Variants in HAPLN1 observed in about 807,000 individuals in gnomAD.
HAPLN1 encodes the protein hyaluronan and proteoglycan link protein 1, also known as Cartilage link protein.
In HAPLN1, 13 loss-of-function variants were observed where a neutral mutation model predicts 36.5. The ratio of observed to expected loss-of-function variants is 0.36; its 90% CI spans 0.23 to 0.57. The LOEUF (loss-of-function observed/expected upper bound fraction) is 0.57, where lower values mean the gene tolerates loss of function less well. Among genes scored for constraint, HAPLN1 ranks in the 20% least tolerant of loss-of-function variants. The probability of loss-of-function intolerance (pLI) is 0.83; values close to 1 mark genes in which losing one functional copy is unlikely to be tolerated. For missense variants in HAPLN1, 407 were observed against 439.7 expected (o/e 0.93, Z 0.66); for synonymous variants, 202 against 169.8 (o/e 1.19, Z -1.48).
chr5:83,717,771 G>C (rs2112644368), intron 1 of HAPLN1, among the ~76,000 whole-genome samples: 1 of 152,188 alleles, frequency 6.6e-6, no homozygotes, highest in Non-Finnish European at 1.5e-5. Flanking sequence ...CCAGGTTCCT[G>C]CTTCAAAACT....
intron 2 of HAPLN1, among the ~76,000 whole-genome samples, chr5:83,654,165 T>C (rs1277323391): frequency 1.3e-5 from 2 of 152,204 alleles, no homozygotes; most frequent in Non-Finnish European, 2.9e-5. Flanking sequence ...TTTTATCATA[T>C]AGCAATCAGA....
At chr5:83,708,604 A>G (rs1005781419) in intron 1 of HAPLN1, among the ~76,000 whole-genome samples, 1 of 152,168 alleles carries the variant, frequency 6.6e-6, no homozygotes, top group African/African-American at 2.4e-5. Flanking sequence ...AAAAGTAACT[A>G]TTAGGTACTA....
Position 83,652,407 on chromosome 5 carries a change from C to G in HAPLN1, c.472+46G>C, listed in dbSNP as rs368183809. On this transcript the variant is annotated intron_variant, in intron 3 of 4. Transcript: ENST00000274341. ...TTACTCTTCATGAAAAAAAAAGCAACTATTAATGACCATTTATACGTTGAA... is the reference window on the plus strand; with the variant it reads ...TTACTCTTCATGAAAAAAAAAGCAAGTATTAATGACCATTTATACGTTGAA... The G allele has an allele frequency of 1.1e-4, 171 of 1,537,478 alleles. No homozygotes were observed. The African/African-American group carries it at 2.2e-3, about 20-fold the overall frequency.
At chr5:83,671,301 A>G (rs1392909275) in intron 2 of HAPLN1, among the ~76,000 whole-genome samples, 1 of 152,188 alleles carries the variant, frequency 6.6e-6, no homozygotes, top group Non-Finnish European at 1.5e-5. Flanking sequence ...GTGAATTTTC[A>G]ACTATTTTCC....
chr5:83,660,991 A>C (rs944206225), intron 2 of HAPLN1, among the ~76,000 whole-genome samples: 1 of 152,140 alleles, frequency 6.6e-6, no homozygotes, highest in Non-Finnish European at 1.5e-5. Context: ...AACAGCGTCT[A>C]TCTTCTACAC....
At chr5:83,645,725 T>C (rs1443871940) in intron 3 of HAPLN1, among the ~76,000 whole-genome samples, 9 of 152,152 alleles carry the variant, frequency 5.9e-5, no homozygotes, top group Admixed American at 3.3e-4. Flanking sequence ...TTACTTTTAA[T>C]GTAGCCCTTA....
chr5:83,667,783 A>G (rs1750595148), intron 2 of HAPLN1, among the ~76,000 whole-genome samples: 1 of 152,202 alleles, frequency 6.6e-6, no homozygotes, highest in African/African-American at 2.4e-5. Context: ...ATCTGCAGTT[A>G]TTACATAAGG....
intron 3 of HAPLN1, among the ~76,000 whole-genome samples, chr5:83,651,539 A>G (rs1167254444): frequency 6.6e-6 from 1 of 152,246 alleles, no homozygotes; most frequent in African/African-American, 2.4e-5. Context: ...AAGCAAATAA[A>G]TCTCCATATA....
At chr5:83,672,950 T>G (rs979727579) in intron 2 of HAPLN1, among the ~76,000 whole-genome samples, 7 of 152,254 alleles carry the variant, frequency 4.6e-5, no homozygotes, top group Non-Finnish European at 7.3e-5. Flanking sequence ...CTATAGGAGC[T>G]AAAGCTTAAC....
chr5:83,695,771 C>T (rs1450924036), intron 1 of HAPLN1, among the ~76,000 whole-genome samples: 3 of 151,372 alleles, frequency 2.0e-5, no homozygotes, highest in African/African-American at 7.3e-5. Context: ...AAGGAACTTC[C>T]TCAATCTGAT....
chr5:83,667,885 C>T (rs191699866), intron 2 of HAPLN1, among the ~76,000 whole-genome samples: 8 of 152,314 alleles, frequency 5.3e-5, no homozygotes, highest in East Asian at 1.9e-4. Flanking sequence ...TTGTCTTTGG[C>T]GGACTCTCAT....
intron 3 of HAPLN1, among the ~76,000 whole-genome samples, chr5:83,649,733 AC>A (rs1363204382): frequency 6.6e-6 from 1 of 152,150 alleles, no homozygotes; most frequent in Non-Finnish European, 1.5e-5. Flanking sequence ...ACAGGCGTGA[AC>A]CACCATGCCC....
At chr5:83,645,475 C>CTT in intron 3 of HAPLN1, among the ~76,000 whole-genome samples, 1,563 of 74,328 alleles carry the variant, frequency 0.021, 170 homozygotes, top group African/African-American at 0.085. Flanking sequence ...CTTTTTCTTT[C>CTT]TTTTTTTTTT....
intron 1 of HAPLN1, among the ~76,000 whole-genome samples, chr5:83,693,047 T>C (rs1434009803): frequency 1.3e-5 from 2 of 151,892 alleles, no homozygotes; most frequent in Non-Finnish European, 2.9e-5. Flanking sequence ...AAATTTAATT[T>C]ATAAATTAGG....
rs1166126457 is a variant in HAPLN1, at chr5:83,638,129, A to C, written c.*3367T>G. On this transcript the variant is annotated 3_prime_UTR_variant, in exon 5 of 5. Transcript: ENST00000274341. ...GAATTAAATGCCTTTCTTGGAAATA[A>C]TGTATTGACAGAGTTTGACACAAAG... 4.6e-5 allele frequency: 7 copies of C among 151,994 alleles called. No homozygotes were observed. The highest frequency in any genetic ancestry group is 1.7e-4 in the African/African-American group (7 of 41,418). The allele number at this position is 151,994 out of a possible 1,614,324, so 9.4% of individuals were successfully genotyped here.
At position 83,709,099 on chromosome 5, in the gene HAPLN1, G is replaced by GA. The variant is rs569423061; in HGVS notation, c.-27+11689dup. On this transcript the variant is annotated intron_variant, in intron 1 of 4. Transcript: ENST00000274341. Reference sequence around the variant, plus strand: ...TCACCATGTTGGTCAGGCTGGTCTTGAACTCCAGACCTCCCAAAGTGCTGG... The same window carrying GA: ...TCACCATGTTGGTCAGGCTGGTCTTGAAACTCCAGACCTCCCAAAGTGCTGG... 8.5e-5 allele frequency among the ~76,000 whole-genome samples: 13 copies of GA among 152,152 alleles called. No homozygotes were observed. The South Asian group carries it at 2.7e-3, about 32-fold the overall frequency.
chr5:83,648,420 T>C (rs1749943909), intron 3 of HAPLN1, among the ~76,000 whole-genome samples: 2 of 136,938 alleles, frequency 1.5e-5, no homozygotes, highest in Admixed American at 1.5e-4. Flanking sequence ...TATATATATA[T>C]ATATATATAT....
rs1024420247 is a variant in HAPLN1, at chr5:83,652,304, G to A, written c.472+149C>T. On this transcript the variant is annotated intron_variant, in intron 3 of 4. Coordinates refer to ENST00000274341, the MANE Select transcript of HAPLN1 (RefSeq NM_001884.4). ...AACATGAAAGCTGGAATCATAGGCA[G>A]ACTGTAGAATACAAAAGAATAAGAT... 15 of 720,328 alleles carry A rather than the reference G, an allele frequency of 2.1e-5. No individual in the cohort carries two copies. In the South Asian group the frequency reaches 3.1e-4, roughly 15 times the overall value. The allele number at this position is 720,328 out of a possible 1,614,324, so 44.6% of individuals were successfully genotyped here.
At chr5:83,646,878 T>G (rs1366868129) in intron 3 of HAPLN1, among the ~76,000 whole-genome samples, 3 of 152,228 alleles carry the variant, frequency 2.0e-5, no homozygotes, top group Non-Finnish European at 2.9e-5. Context: ...ATTTGATTTA[T>G]TCAGTAGAGA....
Sources: gnomAD v4.1 joint callset for allele counts (sites outside exome capture counted in the v4.1 genomes callset) on GRCh38, gnomAD v4.1.1 for gene constraint, MANE v1.5 for transcripts, NCBI Gene and HGNC (gene_info 2026-07-23, HGNC 2026-07-21) for gene names.